JMY: variants seen among roughly 807,000 people sequenced by gnomAD.
JMY encodes junction mediating and regulatory protein, p53 cofactor.
Under a neutral mutation model 103.3 loss-of-function variants are expected in JMY, and 46 were observed. The ratio of observed to expected loss-of-function variants is 0.45; its 90% CI spans 0.35 to 0.57. JMY has a LOEUF of 0.57. JMY is among the 20% of genes least tolerant of loss of function. The pLI is 0.00. For synonymous variants in JMY, 526 were observed against 489.3 expected (o/e 1.07, Z -0.99); for missense variants, 1,238 against 1,255.2 (o/e 0.99, Z 0.21).
intron 1 of JMY, among the ~76,000 whole-genome samples, chr5:79,252,060 G>A (rs995294537): frequency 6.6e-6 from 1 of 152,106 alleles, no homozygotes; most frequent in Non-Finnish European, 1.5e-5. Context: ...ACAGGCATGA[G>A]CCACCATGCC....
intron 10 of JMY, among the ~76,000 whole-genome samples, chr5:79,320,414 C>T (rs531057146): frequency 1.5e-4 from 23 of 151,698 alleles, no homozygotes; most frequent in African/African-American, 3.6e-4. Flanking sequence ...GTATTTGGCT[C>T]GCTGCAATCT....
intron 4 of JMY, among the ~76,000 whole-genome samples, chr5:79,297,611 T>A (rs1233668893): frequency 6.6e-6 from 1 of 152,228 alleles, no homozygotes; most frequent in Non-Finnish European, 1.5e-5. Context: ...CACAGATTTC[T>A]CTGAGTCATA....
At chr5:79,265,116 A>AG (rs1186845712) in intron 1 of JMY, among the ~76,000 whole-genome samples, 3 of 152,070 alleles carry the variant, frequency 2.0e-5, no homozygotes, top group Non-Finnish European at 4.4e-5. Context: ...CAGTAGAGAC[A>AG]GGTTTCACCT....
At chr5:79,318,761 T>TATAGAGAGAG (rs1218912301) in intron 10 of JMY, among the ~76,000 whole-genome samples, 2 of 53,612 alleles carry the variant, frequency 3.7e-5, no homozygotes, top group African/African-American at 1.7e-4. Context: ...TATATATATA[T>TATAGAGAGAG]AGAGAGAGAG....
chr5:79,307,704 GC>G (rs1168273990), intron 7 of JMY, among the ~76,000 whole-genome samples: 4 of 152,086 alleles, frequency 2.6e-5, no homozygotes, highest in Non-Finnish European at 5.9e-5. Flanking sequence ...ATGCCTACTT[GC>G]CCCTCTATAT....
chr5:79,308,670 G>A (rs1276131379), intron 7 of JMY, among the ~76,000 whole-genome samples: 1 of 151,894 alleles, frequency 6.6e-6, no homozygotes, highest in Non-Finnish European at 1.5e-5. Context: ...AGTCAAGTAG[G>A]GATGACCTAA....
chr5:79,272,506 T>C (rs750035364), intron 1 of JMY, among the ~76,000 whole-genome samples: 7 of 152,176 alleles, frequency 4.6e-5, no homozygotes, highest in Non-Finnish European at 8.8e-5. Flanking sequence ...TCTCCTCTTC[T>C]TTTCCTGATT....
At position 79,316,260 on chromosome 5, in the gene JMY, T is replaced by G. The variant is rs1378344174; in HGVS notation, c.2920T>G (p.Ser974Ala). Residue 974 changes from serine (S) to alanine (A), a missense_variant, in exon 10 of 11, where the codon TCA becomes GCA. Coordinates refer to ENST00000396137, the MANE Select transcript of JMY (RefSeq NM_152405.5). Reference protein sequence around the residue: ...LRRIKEASPESEDEEEALPCT... With the variant: ...LRRIKEASPEAEDEEEALPCT... ...AAGAATTAAAGAAGCATCCCCAGAG[T>G]CAGAGGACGAAGAGGAGGCTTTACC... 18 of 1,613,412 alleles carry G rather than the reference T, an allele frequency of 1.1e-5. No individual in the cohort carries two copies. The highest frequency in any genetic ancestry group is 1.5e-5 in the Non-Finnish European group (18 of 1,179,782).
Position 79,237,129 on chromosome 5 carries a change from C to A in JMY, c.479C>A (p.Ala160Glu), listed in dbSNP as rs905860195. 1 of 1,545,616 alleles carries A rather than the reference C, an allele frequency of 6.5e-7. No individual in the cohort carries two copies. ...PGQKTSEADD[A>E]AGAAAAAARP... ...CAGAAAACATCTGAAGCCGACGATG[C>A]GGCGGGGGCAGCCGCTGCAGCAGCC... Residue 160 changes from alanine to glutamate, a missense_variant, in exon 1 of 11, where the codon GCG becomes GAG. Ala to Glu is a moderately radical substitution (Grantham distance 107, BLOSUM62 -1). Transcript: ENST00000396137.
At chr5:79,271,360 C>T (rs143691123) in intron 1 of JMY, among the ~76,000 whole-genome samples, 16 of 152,162 alleles carry the variant, frequency 1.1e-4, no homozygotes, top group African/African-American at 3.9e-4. Context: ...TAGTGTTTGT[C>T]TGTTTTTGCT....
At chr5:79,276,764 A>G (rs922880762) in intron 1 of JMY, among the ~76,000 whole-genome samples, 6 of 151,572 alleles carry the variant, frequency 4.0e-5, no homozygotes, top group African/African-American at 1.5e-4. Flanking sequence ...ACGCCACTAC[A>G]CCCAGCTAAT....
chr5:79,247,055 C>T (rs889677158), intron 1 of JMY, among the ~76,000 whole-genome samples: 5 of 152,148 alleles, frequency 3.3e-5, no homozygotes, highest in Non-Finnish European at 2.9e-5. Context: ...ATGAAAGAAC[C>T]GGATTCAAAT....
At chr5:79,242,333 A>C (rs997329675) in intron 1 of JMY, among the ~76,000 whole-genome samples, 2 of 152,200 alleles carry the variant, frequency 1.3e-5, no homozygotes, top group Non-Finnish European at 2.9e-5. Context: ...AGGATGTCTT[A>C]AGATTTGAGT....
At chr5:79,304,140 G>A (rs1746816593) in intron 6 of JMY, among the ~76,000 whole-genome samples, 1 of 152,136 alleles carries the variant, frequency 6.6e-6, no homozygotes, top group Admixed American at 6.5e-5. Context: ...ACCCAGCCTT[G>A]GAGAATCTCT....
At chr5:79,251,170 A>AG (rs1745073530) in intron 1 of JMY, among the ~76,000 whole-genome samples, 1 of 152,178 alleles carries the variant, frequency 6.6e-6, no homozygotes, top group Middle Eastern at 3.2e-3. Context: ...GTTGGGAAGG[A>AG]GGGAAAAATG....
intron 1 of JMY, among the ~76,000 whole-genome samples, chr5:79,269,325 C>A (rs1745674884): frequency 6.6e-6 from 1 of 152,286 alleles, no homozygotes. Context: ...TTCACAGATA[C>A]CCTACTGTCT....
In JMY at chr5:79,280,937, T is replaced by TA. The variant is rs764902691; in HGVS notation, c.1206+2866dup. ...TCAGACTTTTTAAATCTGGAGGAGC[T>TA]AAAAAAAAAAAAGCAAGTATAATTG... is the stretch of plus-strand genomic sequence containing the variant. On this transcript the variant is annotated intron_variant, in intron 2 of 10. Transcript: ENST00000396137. Among the ~76,000 whole-genome samples the TA allele has an allele frequency of 4.4e-3, 613 of 138,120 alleles. 4 individuals are homozygous for TA. The highest frequency in any genetic ancestry group is 6.8e-3 in the South Asian group (30 of 4,386). The allele number at this position is 138,120 out of a possible 152,430, so 90.6% of individuals were successfully genotyped here.
chr5:79,309,514 A>G lies in JMY; in HGVS notation c.1969-2889A>G, dbSNP rs576225676. Among the ~76,000 whole-genome samples the G allele has an allele frequency of 1.3e-3, 194 of 152,290 alleles. 1 individual carries two copies. The highest frequency in any genetic ancestry group is 4.6e-3 in the African/African-American group (190 of 41,568). ...GTGTCTTAAATTAGTTAACACCAGT[A>G]ATTTGTACTTAAATATCAGAAATGC... On this transcript the variant is annotated intron_variant, in intron 7 of 10. Transcript: ENST00000396137.
rs1314464228 is a variant in JMY at position 79,314,336 on chromosome 5, T to G, written c.2144T>G (p.Val715Gly). The G allele has an allele frequency of 6.2e-7, 1 of 1,614,058 alleles. No individual in the cohort carries two copies. Among genetic ancestry groups the G allele is most frequent in the African/African-American group, 1.3e-5 (1 of 74,920 alleles). The change falls in exon 9 of 11, where the codon GTT becomes GGT. Residue 715 changes from valine (V) to glycine (G), a missense_variant. Val to Gly is a moderately radical substitution (Grantham distance 109). Coordinates refer to ENST00000396137, the MANE Select transcript of JMY (RefSeq NM_152405.5). ...AGAAGAAAAGGTGCAGCAAGTCCTG[T>G]TCTCCAAGAGGATCATTGTGACTCT... ...HARRKGAASP[V>G]LQEDHCDSLP... is the part of the protein sequence containing the mutation.
Sources: allele counts gnomAD v4.1 joint callset (sites outside exome capture counted in the v4.1 genomes callset), GRCh38; gene constraint gnomAD v4.1.1; transcripts MANE v1.5; gene names NCBI Gene and HGNC (gene_info 2026-07-23, HGNC 2026-07-21).